Variants in CERS3 observed in about 807,000 individuals in gnomAD.
The protein encoded by CERS3 is ceramide synthase 3, also known as LAG1 homolog, ceramide synthase 3.
CERS3 carries 33 observed loss-of-function variants against 50.3 expected under a neutral mutation model. The ratio of observed to expected loss-of-function variants is 0.66; its 90% confidence interval spans 0.50 to 0.88. CERS3 has a LOEUF of 0.88. Ranked by LOEUF, CERS3 falls within the 40% of genes least tolerant of loss-of-function variation. The probability of loss-of-function intolerance (pLI) is 0.00; values close to 1 mark genes in which losing one functional copy is unlikely to be tolerated. For missense variants in CERS3, 470 were observed against 460.3 expected (o/e 1.02, Z -0.19); for synonymous variants, 176 against 155.2 (o/e 1.13, Z -0.99).
upstream of CERS3, among the ~76,000 whole-genome samples, chr15:100,530,749 T>C (rs1437336982): frequency 3.3e-5 from 5 of 152,168 alleles, no homozygotes; most frequent in South Asian, 8.3e-4. Flanking sequence ...TGAACCCTAT[T>C]TTGGACTCTC....
upstream of CERS3, among the ~76,000 whole-genome samples, chr15:100,533,416 T>G (rs1201348219): frequency 6.6e-6 from 1 of 152,184 alleles, no homozygotes; most frequent in Non-Finnish European, 1.5e-5. Flanking sequence ...TCTATATATT[T>G]GCCATTGTGT....
chr15:100,501,872 T>C (rs748111752), intron 2 of CERS3, 22 bp from the exon 3 acceptor site: 11 of 1,610,076 alleles, frequency 6.8e-6, no homozygotes, highest in Non-Finnish European at 6.8e-6. Flanking sequence ...GAAACAGACA[T>C]TAGGCTTGTA....
At chr15:100,511,233 G>T (rs1329503395) in intron 2 of CERS3, among the ~76,000 whole-genome samples, 1 of 152,092 alleles carries the variant, frequency 6.6e-6, no homozygotes, top group Non-Finnish European at 1.5e-5. Context: ...AGGTTGTAGT[G>T]AGCCAAGATT....
chr15:100,432,919 G>T (rs1039221307), intron 11 of CERS3, among the ~76,000 whole-genome samples: 1 of 152,144 alleles, frequency 6.6e-6, no homozygotes, highest in African/African-American at 2.4e-5. Flanking sequence ...CACTTGCAAG[G>T]TATGTGGTAT....
At chr15:100,508,673 A>G (rs1438704334) in intron 2 of CERS3, among the ~76,000 whole-genome samples, 8 of 152,148 alleles carry the variant, frequency 5.3e-5, no homozygotes, top group Non-Finnish European at 1.0e-4. Flanking sequence ...TTCATGTCCC[A>G]TCTTTAGTCA....
At chr15:100,543,598 C>T (rs972138548) in intron 1 of CERS3, among the ~76,000 whole-genome samples, 2 of 150,862 alleles carry the variant, frequency 1.3e-5, no homozygotes, top group African/African-American at 2.4e-5. Context: ...GGCGCGATCT[C>T]GGCTCACTGT....
chr15:100,420,880 C>T (rs1181440442), intron 11 of CERS3, among the ~76,000 whole-genome samples: 2 of 151,252 alleles, frequency 1.3e-5, no homozygotes, highest in Non-Finnish European at 2.9e-5. Context: ...CAAAATTCAA[C>T]AACCCTTCAT....
At chr15:100,445,376 C>T (rs1354338846) in intron 11 of CERS3, among the ~76,000 whole-genome samples, 18 of 151,614 alleles carry the variant, frequency 1.2e-4, no homozygotes, top group African/African-American at 1.9e-4. Context: ...ATCCCCAAAC[C>T]GCCACTCTTA....
At chr15:100,490,025 T>C (rs1340320865) in intron 4 of CERS3, among the ~76,000 whole-genome samples, 1 of 152,232 alleles carries the variant, frequency 6.6e-6, no homozygotes, top group East Asian at 1.9e-4. Context: ...AGAACTGTGT[T>C]AGCATATGTA....
chr15:100,489,748 G>A (rs894700811), intron 4 of CERS3, among the ~76,000 whole-genome samples: 2 of 152,110 alleles, frequency 1.3e-5, no homozygotes, highest in African/African-American at 4.8e-5. Flanking sequence ...TAAAGCACAT[G>A]GGAATAAAAA....
chr15:100,447,147 C>T (rs967885997), intron 11 of CERS3, among the ~76,000 whole-genome samples: 3 of 152,196 alleles, frequency 2.0e-5, no homozygotes, highest in South Asian at 2.1e-4. Flanking sequence ...AATGAATTAA[C>T]AGTCTGGCAC....
intron 1 of CERS3, among the ~76,000 whole-genome samples, chr15:100,534,754 T>C (rs958436007): frequency 1.1e-4 from 16 of 151,606 alleles, no homozygotes; most frequent in Non-Finnish European, 2.4e-4. Flanking sequence ...AAGATTTATT[T>C]TCCTTTCACA....
chr15:100,448,080 G>T (rs1466846384), intron 11 of CERS3, among the ~76,000 whole-genome samples: 1 of 152,098 alleles, frequency 6.6e-6, no homozygotes. Flanking sequence ...TGTGCAATTT[G>T]GATATTCAAT....
At chr15:100,493,247 C>A (rs1432687007) in intron 3 of CERS3, among the ~76,000 whole-genome samples, 3 of 152,144 alleles carry the variant, frequency 2.0e-5, no homozygotes, top group African/African-American at 7.2e-5. Context: ...GCTAGGCCCA[C>A]TAGTAATGAA....
intron 2 of CERS3, among the ~76,000 whole-genome samples, chr15:100,518,138 T>A (rs1265262042): frequency 1.3e-5 from 2 of 152,150 alleles, no homozygotes; most frequent in Non-Finnish European, 2.9e-5. Flanking sequence ...GTCTTTTCTG[T>A]CTAGCCCTGT....
chr15:100,486,659 A>G (rs1042478101), intron 4 of CERS3, among the ~76,000 whole-genome samples: 2 of 152,226 alleles, frequency 1.3e-5, no homozygotes, highest in Non-Finnish European at 1.5e-5. Context: ...GCACAGCAGG[A>G]CATATTCTGG....
At position 100,402,436 on chromosome 15, in the gene CERS3, A is replaced by G. The variant is rs1391073481; in HGVS notation, c.*277T>C. ...GCGAGCCCCTGAGAAAGTGACATGC[A>G]TGAGGGAGTGCAATTAGAACTGAGA... On this transcript the variant is annotated 3_prime_UTR_variant, in exon 12 of 12. Coordinates refer to ENST00000679737, the MANE Select transcript of CERS3 (RefSeq NM_001378789.1). 12 of 408,768 alleles carry G rather than the reference A, an allele frequency of 2.9e-5. No individual in the cohort carries two copies. Among genetic ancestry groups the G allele is most frequent in the Non-Finnish European group, 4.4e-5 (10 of 227,744 alleles). The allele number at this position is 408,768 out of a possible 1,614,324, so 25.3% of individuals were successfully genotyped here.
At chr15:100,438,096 G>A (rs1365087268) in intron 11 of CERS3, among the ~76,000 whole-genome samples, 1 of 145,184 alleles carries the variant, frequency 6.9e-6, no homozygotes, top group African/African-American at 2.6e-5. Flanking sequence ...CTGGAGTGGA[G>A]TGCAGTGGTG....
intron 11 of CERS3, chr15:100,437,855 T>C (rs2033491826): frequency 6.6e-6 from 1 of 152,120 alleles, no homozygotes; most frequent in Non-Finnish European, 1.5e-5. Context: ...GACGTTTCAA[T>C]CTACACAGAA....
Sources: gnomAD v4.1 joint callset for allele counts (sites outside exome capture counted in the v4.1 genomes callset) on GRCh38, gnomAD v4.1.1 for gene constraint, MANE v1.5 for transcripts, NCBI Gene and HGNC (gene_info 2026-07-23, HGNC 2026-07-21) for gene names.